The following RNF19B variants were observed in gnomAD, a reference collection of about 807,000 sequenced individuals.
The protein encoded by RNF19B is E3 ubiquitin-protein ligase RNF19B.
RNF19B carries 23 observed loss-of-function variants against 65.5 expected under a neutral mutation model. That is an observed-to-expected ratio of 0.35 (90% CI 0.25 to 0.50). The LOEUF is 0.50. RNF19B is among the 20% of genes least tolerant of loss of function. RNF19B has a pLI of 0.98. For synonymous variants in RNF19B, 372 were observed against 379.6 expected (o/e 0.98, Z 0.23); for missense variants, 794 against 980.0 (o/e 0.81, Z 2.53).
intron 1 of RNF19B, among the ~76,000 whole-genome samples, chr1:32,963,516 G>C (rs1642820417): frequency 6.6e-6 from 1 of 152,056 alleles, no homozygotes; most frequent in Non-Finnish European, 1.5e-5. Context: ...AGGAGTTCGA[G>C]ACCAGCCTAG....
chr1:32,952,451 A>AC (rs1642528281), intron 1 of RNF19B, among the ~76,000 whole-genome samples: 1 of 149,140 alleles, frequency 6.7e-6, no homozygotes, highest in Non-Finnish European at 1.5e-5. Context: ...AAAAAAAAAA[A>AC]AAAAAAAACA....
intron 7 of RNF19B, among the ~76,000 whole-genome samples, chr1:32,940,457 T>C (rs187634039): frequency 2.1e-4 from 32 of 152,320 alleles, no homozygotes; most frequent in Admixed American, 1.0e-3. Context: ...TCTGGTCTCA[T>C]TGTAAACATT....
intron 1 of RNF19B, among the ~76,000 whole-genome samples, chr1:32,961,557 A>G (rs194659): frequency 0.36 from 54,906 of 151,938 alleles, 10,148 homozygotes; most frequent in Admixed American, 0.43. Context: ...AATTATATAT[A>G]CCTGGCACAC....
chr1:32,961,114 C>T (rs946591494), intron 1 of RNF19B, among the ~76,000 whole-genome samples: 1 of 152,228 alleles, frequency 6.6e-6, no homozygotes, highest in Admixed American at 6.5e-5. Context: ...CCTATAACCA[C>T]TTTCAACTGA....
At chr1:32,959,409 C>T (rs1317436558) in intron 1 of RNF19B, among the ~76,000 whole-genome samples, 1 of 152,164 alleles carries the variant, frequency 6.6e-6, no homozygotes, top group Non-Finnish European at 1.5e-5. Context: ...CAACAGGATA[C>T]TTGAGAGGAA....
Position 32,938,516 on chromosome 1 carries a change from T to A in RNF19B, c.1623A>T (p.Gln541His), listed in dbSNP as rs1215495731. The A allele has an allele frequency of 1.2e-6, 2 of 1,614,046 alleles. No homozygotes were observed. Among genetic ancestry groups the A allele is most frequent in the African/African-American group, 2.7e-5 (2 of 74,920 alleles). ...GKGKYSRLEVQADVQKEIFPK... is the reference protein window; with the variant it reads ...GKGKYSRLEVHADVQKEIFPK... ...GGAAAATTTCCTTTTGGACATCGGC[T>A]TGAACTTCTAACCTGTGTAAAGAGG... Residue 541 changes from glutamine (Q) to histidine (H), a missense_variant, in exon 8 of 9, where the codon CAA (glutamine) becomes CAT (histidine). By Grantham distance (24) the Gln-to-His change is conservative. Coordinates refer to ENST00000235150, the MANE Select transcript of RNF19B (RefSeq NM_001300826.2).
intron 1 of RNF19B, among the ~76,000 whole-genome samples, chr1:32,960,255 A>C (rs1316494213): frequency 6.6e-6 from 1 of 152,240 alleles, no homozygotes; most frequent in African/African-American, 2.4e-5. Context: ...ACTAATGATC[A>C]GAACCTGTAA....
intron 1 of RNF19B, among the ~76,000 whole-genome samples, chr1:32,963,190 T>A (rs528517417): frequency 6.6e-6 from 1 of 152,052 alleles, no homozygotes; most frequent in East Asian, 1.9e-4. Context: ...AACGACAGAG[T>A]GCCTCCCGAT....
downstream of RNF19B, among the ~76,000 whole-genome samples, chr1:32,934,355 G>A (rs531730823): frequency 6.6e-6 from 1 of 152,302 alleles, no homozygotes; most frequent in East Asian, 1.9e-4. Flanking sequence ...CAGGACTAAG[G>A]TGAGAGAGGT....
At chr1:32,954,274 T>C (rs1642582314) in intron 1 of RNF19B, among the ~76,000 whole-genome samples, 1 of 151,604 alleles carries the variant, frequency 6.6e-6, no homozygotes, top group Admixed American at 6.6e-5. Flanking sequence ...CAATTTTGAG[T>C]GTGTAATTTG....
At chr1:32,960,510 C>T (rs1642744814) in intron 1 of RNF19B, among the ~76,000 whole-genome samples, 1 of 152,124 alleles carries the variant, frequency 6.6e-6, no homozygotes, top group Non-Finnish European at 1.5e-5. Flanking sequence ...GTGGTTCGTG[C>T]CTATAATCCC....
intron 5 of RNF19B, 84 bp downstream of exon 5, chr1:32,945,421 AATGTAGGAG>A: frequency 1.3e-6 from 1 of 741,932 alleles, no homozygotes; most frequent in Admixed American, 2.2e-5. Context: ...GTTCGCATAA[AATGTAGGAG>A]TCTTTGAGAA....
intron 4 of RNF19B, among the ~76,000 whole-genome samples, chr1:32,946,046 G>A (rs1056001113): frequency 2.0e-5 from 3 of 151,874 alleles, no homozygotes; most frequent in African/African-American, 7.2e-5. Flanking sequence ...CTATTTTTTT[G>A]GGTACAGATG....
chr1:32,954,476 C>T (rs537850025), intron 1 of RNF19B, among the ~76,000 whole-genome samples: 15 of 151,890 alleles, frequency 9.9e-5, no homozygotes, highest in Non-Finnish European at 1.6e-4. Context: ...CAGTCACTCA[C>T]GCCTGTAATC....
the RNF19B span, among the ~76,000 whole-genome samples, chr1:32,930,556 C>A: frequency 6.6e-6 from 1 of 152,064 alleles, no homozygotes; most frequent in African/African-American, 2.4e-5. Context: ...TACAGGCACA[C>A]ACCACCATGC....
At chr1:32,949,467 CT>C in intron 2 of RNF19B, 101 bp downstream of exon 2, 1 of 912,358 alleles carries the variant, frequency 1.1e-6, no homozygotes, top group South Asian at 1.6e-5. Flanking sequence ...CTCTCTGATC[CT>C]TTGGAGTACT....
intron 1 of RNF19B, among the ~76,000 whole-genome samples, chr1:32,962,963 C>T (rs1386853865): frequency 6.6e-6 from 1 of 152,212 alleles, no homozygotes; most frequent in African/African-American, 2.4e-5. Context: ...TATTATGTCT[C>T]TGCAGATATT....
intron 1 of RNF19B, among the ~76,000 whole-genome samples, chr1:32,952,429 TAAAA>T (rs375150376): frequency 0.031 from 2,288 of 73,760 alleles, 78 homozygotes; most frequent in African/African-American, 0.14. Flanking sequence ...CCTTTTCTCT[TAAAA>T]AAAAAAAAAA....
Position 32,964,128 on chromosome 1 carries a change from G to T in RNF19B, c.558C>A (p.His186Gln). 6.5e-7 allele frequency: 1 copy of T among 1,543,174 alleles called. No homozygotes were observed. Among genetic ancestry groups the T allele is most frequent in the Non-Finnish European group, 8.7e-7 (1 of 1,143,880 alleles). Reference protein sequence around the residue: ...RLLLADPPLMHKYEEFMLRRY... With the variant: ...RLLLADPPLMQKYEEFMLRRY... ...GGCGCAGCATGAACTCCTCGTACTT[G>T]TGCATAAGCGGCGGGTCGGCGAGCA... Residue 186 changes from histidine to glutamine, a missense_variant, in exon 1 of 9, where the codon CAC becomes CAA. Coordinates refer to ENST00000235150, the MANE Select transcript of RNF19B (RefSeq NM_001300826.2). This position sits in a 1 kb window ranked among gnomAD's most constrained non-coding sequence, Gnocchi z 6.5.
Sources: allele counts gnomAD v4.1 joint callset (sites outside exome capture counted in the v4.1 genomes callset), GRCh38; gene constraint gnomAD v4.1.1; non-coding constraint Gnocchi (gnomAD v3.1); transcripts MANE v1.5; gene names NCBI Gene and HGNC (gene_info 2026-07-23, HGNC 2026-07-21).